The following MYO9B variants were observed in gnomAD, a reference collection of about 807,000 sequenced individuals.
MYO9B encodes the protein unconventional myosin-IXb.
Under a neutral mutation model 229.5 loss-of-function variants are expected in MYO9B, and 71 were observed. That is an observed-to-expected ratio of 0.31 (90% CI 0.26 to 0.38). The LOEUF is 0.38. Ranked by LOEUF, MYO9B falls within the 10% of genes least tolerant of loss-of-function variation. The pLI is 1.00. For missense variants in MYO9B, 2,255 were observed against 2,920.5 expected (o/e 0.77, Z 5.25); for synonymous variants, 1,185 against 1,235.8 (o/e 0.96, Z 0.86).
chr19:17,093,416 C>T (rs1407969437), intron 1 of MYO9B, among the ~76,000 whole-genome samples: 1 of 152,124 alleles, frequency 6.6e-6, no homozygotes, highest in African/African-American at 2.4e-5. Context: ...AAACCTCTGT[C>T]CATCTTCCTT....
At chr19:17,185,238 G>A (rs1211089167) in intron 17 of MYO9B, among the ~76,000 whole-genome samples, 2 of 151,912 alleles carry the variant, frequency 1.3e-5, no homozygotes, top group Non-Finnish European at 2.9e-5. Flanking sequence ...GCCGGGCGTA[G>A]TGGCGGGTGC....
At chr19:17,087,585 C>T (rs1392342920) in intron 1 of MYO9B, among the ~76,000 whole-genome samples, 2 of 152,178 alleles carry the variant, frequency 1.3e-5, no homozygotes, top group African/African-American at 4.8e-5. Flanking sequence ...TGTCCTGGGG[C>T]TTCCATAACT....
chr19:17,194,828 C>T lies in MYO9B; in HGVS notation c.3401C>T (p.Ala1134Val), dbSNP rs756267984. 1.6e-5 allele frequency: 26 copies of T among 1,613,298 alleles called. No individual in the cohort carries two copies. Among genetic ancestry groups the T allele is most frequent in the Admixed American group, 8.3e-5 (5 of 60,012 alleles). Residue 1134 changes from alanine to valine, a missense_variant, in exon 22 of 40, where the codon GCG (alanine) becomes GTG (valine). Ala to Val is a moderately conservative substitution (Grantham distance 64). Around this residue, in one of 7 missense-constraint regions of MYO9B, gnomAD observed 679 missense variants for 770.2 expected, o/e 0.88. Coordinates refer to ENST00000682292, the MANE Select transcript of MYO9B (RefSeq NM_004145.4). ...ACTCTCCCACCCCAGAAAACCGTGG[C>T]GGCTGAAAGTCACGAGAAAGTCCCC... is the stretch of plus-strand genomic sequence containing the variant. Reference protein sequence around the residue: ...EKTLPPQKTVAAESHEKVPSS... With the variant: ...EKTLPPQKTVVAESHEKVPSS...
intron 17 of MYO9B, 111 bp from the exon 18 acceptor site, chr19:17,185,810 C>G: frequency 1.2e-6 from 1 of 814,290 alleles, no homozygotes. Flanking sequence ...CACATCTGTG[C>G]AGACCCCATC....
intron 16 of MYO9B, 41 bp from the exon 17 acceptor site, chr19:17,184,824 G>T: frequency 6.2e-7 from 1 of 1,612,118 alleles, no homozygotes; most frequent in South Asian, 1.1e-5. Flanking sequence ...TGCCCGTGTG[G>T]GCTGTGGGAG....
intron 7 of MYO9B, among the ~76,000 whole-genome samples, chr19:17,158,224 C>A (rs2072558307): frequency 6.6e-6 from 1 of 152,140 alleles, no homozygotes. Flanking sequence ...TACAGGAGCC[C>A]CAGCTTCTGT....
chr19:17,172,417 G>A lies in MYO9B; in HGVS notation c.1875G>A (p.Pro625=), dbSNP rs769098580. 2.0e-5 allele frequency: 33 copies of A among 1,613,736 alleles called. No homozygotes were observed. Among genetic ancestry groups the A allele is most frequent in the Admixed American group, 1.0e-4 (6 of 59,944 alleles). Residue 625 remains proline (P), a synonymous_variant, in exon 12 of 40, where the codon CCG becomes CCA. Transcript: ENST00000682292. This position sits in a 1 kb window ranked among gnomAD's most constrained non-coding sequence, Gnocchi z 8.2. ...ACAATAAGTACTTCCTGGGCACCCC[G>A]GTCATGGAGCCAGCTTTCATCATCC... ...HEDNKYFLGT[P]VMEPAFIIQH...
At chr19:17,137,097 G>A (rs148611478) in intron 2 of MYO9B, among the ~76,000 whole-genome samples, 1,697 of 152,046 alleles carry the variant, frequency 0.011, 35 homozygotes, top group African/African-American at 0.037. Flanking sequence ...GGGTGATGGC[G>A]CGTGCCTATA....
intron 1 of MYO9B, among the ~76,000 whole-genome samples, chr19:17,094,123 C>T (rs2057666370): frequency 6.6e-6 from 1 of 152,036 alleles, no homozygotes; most frequent in South Asian, 2.1e-4. Context: ...GCAATCTCCA[C>T]CTCCCGAGTT....
At chr19:17,098,945 A>AG (rs895314564) in intron 1 of MYO9B, among the ~76,000 whole-genome samples, 8 of 146,216 alleles carry the variant, frequency 5.5e-5, no homozygotes, top group African/African-American at 1.5e-4. Flanking sequence ...AAAAAAAAAA[A>AG]AAGAAGAAGA....
At chr19:17,206,852 C>A in intron 34 of MYO9B, 68 bp downstream of exon 34, 1 of 1,371,164 alleles carries the variant, frequency 7.3e-7, no homozygotes, top group Non-Finnish European at 1.0e-6. Context: ...GCAGCATTTC[C>A]CAGGAGGACC....
intron 2 of MYO9B, among the ~76,000 whole-genome samples, chr19:17,122,308 G>A (rs943054073): frequency 1.3e-5 from 2 of 152,100 alleles, no homozygotes; most frequent in Admixed American, 6.6e-5. Context: ...GGAGTAAGAG[G>A]GGGGCAGATC....
chr19:17,116,628 C>A (rs569568741), intron 2 of MYO9B, among the ~76,000 whole-genome samples: 5 of 152,288 alleles, frequency 3.3e-5, no homozygotes, highest in African/African-American at 1.2e-4. Context: ...GTGTTCCCCC[C>A]ACAGAGCACA....
At chr19:17,199,949 G>C (rs1160888161) in intron 24 of MYO9B, among the ~76,000 whole-genome samples, 2 of 151,328 alleles carry the variant, frequency 1.3e-5, no homozygotes, top group Admixed American at 6.6e-5. Flanking sequence ...ACTGCAACCT[G>C]CAACCTCCAC....
intron 4 of MYO9B, among the ~76,000 whole-genome samples, chr19:17,153,530 G>A (rs867469778): frequency 5.7e-4 from 83 of 144,914 alleles, no homozygotes; most frequent in African/African-American, 2.0e-3. Context: ...CTACAAAAAA[G>A]ACCAAAAAAA....
At chr19:17,161,764 CA>C (rs2072604860) in intron 8 of MYO9B, among the ~76,000 whole-genome samples, 1 of 151,868 alleles carries the variant, frequency 6.6e-6, no homozygotes, top group Non-Finnish European at 1.5e-5. Flanking sequence ...TGCAGTGAGC[CA>C]AGACTGTGTC....
intron 2 of MYO9B, among the ~76,000 whole-genome samples, chr19:17,141,835 A>T (rs2072343973): frequency 6.6e-6 from 1 of 152,176 alleles, no homozygotes; most frequent in African/African-American, 2.4e-5. Context: ...ACTTCCCTGT[A>T]TGTGTGGACT....
intron 2 of MYO9B, among the ~76,000 whole-genome samples, chr19:17,114,942 T>A (rs950523114): frequency 1.4e-5 from 2 of 146,044 alleles, no homozygotes; most frequent in Non-Finnish European, 3.0e-5. Context: ...TTTTTTTTTT[T>A]AATAAAACAC....
intron 2 of MYO9B, among the ~76,000 whole-genome samples, chr19:17,133,945 T>C (rs1056906706): frequency 2.0e-5 from 3 of 151,960 alleles, no homozygotes; most frequent in African/African-American, 4.8e-5. Flanking sequence ...GTATTTTTAG[T>C]AGAGACGGGG....
Sources: gnomAD v4.1 joint callset for allele counts (sites outside exome capture counted in the v4.1 genomes callset) on GRCh38, gnomAD v4.1.1 for gene constraint, gnomAD v4.1.1 regional missense constraint, Gnocchi (gnomAD v3.1) non-coding constraint, MANE v1.5 for transcripts, NCBI Gene and HGNC (gene_info 2026-07-23, HGNC 2026-07-21) for gene names.